PALMD: variants seen among roughly 807,000 people sequenced by gnomAD.
PALMD encodes the protein paralemmin-like protein.
PALMD carries 42 observed loss-of-function variants against 56.2 expected under a neutral mutation model. The observed-to-expected ratio is 0.75, with a 90% CI of 0.58 to 0.97. The LOEUF is 0.97. Among genes scored for constraint, PALMD ranks in the 50% least tolerant of loss-of-function variants. The pLI, the probability that PALMD is intolerant of heterozygous loss-of-function variation, is 0.00. For missense variants in PALMD, 660 were observed against 643.8 expected (o/e 1.03, Z -0.27); for synonymous variants, 242 against 222.9 (o/e 1.09, Z -0.76).
At position 99,689,248 on chromosome 1, in the gene PALMD, C is replaced by T. The variant is rs942857815; in HGVS notation, c.988C>T (p.Arg330Ter). Residue 330 changes from arginine (R) to a stop codon, truncating the protein, a stop_gained, in exon 7 of 8, where the codon CGA (arginine) becomes TGA (stop). Coordinates refer to ENST00000263174, the MANE Select transcript of PALMD (RefSeq NM_017734.5). LOFTEE classifies it high-confidence loss of function. ...TCCCATTCCGCCAGTGCCTCATCCCCGATCAGTGATTCAACAAGCAGAAGA... is the reference window on the plus strand; with the variant it reads ...TCCCATTCCGCCAGTGCCTCATCCCTGATCAGTGATTCAACAAGCAGAAGA... ...ISPIPPVPHP[R>*]SVIQQAEEKL... is the part of the protein sequence containing the mutation. The T allele has an allele frequency of 3.7e-6, 6 of 1,613,528 alleles. No individual in the cohort carries two copies. The highest frequency in any genetic ancestry group is 2.2e-5 in the East Asian group (1 of 44,854).
chr1:99,676,350 G>A (rs1653212505), intron 3 of PALMD, among the ~76,000 whole-genome samples: 1 of 152,016 alleles, frequency 6.6e-6, no homozygotes, highest in South Asian at 2.1e-4. Flanking sequence ...CTCACCTACT[G>A]TCTATGCACT....
At chr1:99,693,668 C>T (rs1653712863) in intron 7 of PALMD, among the ~76,000 whole-genome samples, 1 of 152,158 alleles carries the variant, frequency 6.6e-6, no homozygotes, top group Non-Finnish European at 1.5e-5. Context: ...TTTGGCAGTA[C>T]ATAACTCAGA....
intron 1 of PALMD, among the ~76,000 whole-genome samples, chr1:99,652,720 G>GAAAAA: frequency 1.0e-5 from 1 of 99,082 alleles, no homozygotes; most frequent in African/African-American, 3.7e-5. Flanking sequence ...GAAAAGAAAA[G>GAAAAA]AAAAGAAAAG....
Position 99,672,944 on chromosome 1 carries a change from G to A in PALMD, c.251+5178G>A, listed in dbSNP as rs74479694. The stretch of plus-strand genomic sequence containing the variant: ...TTTGTCCCCCAAATAGTTAGAAACC[G>A]CCTTCCACAGATGATACAAATGGGC... On this transcript the variant is annotated intron_variant, in intron 3 of 7. Transcript: ENST00000263174. 5.2e-3 allele frequency among the ~76,000 whole-genome samples: 797 copies of A among 151,900 alleles called. 5 individuals carry two copies. The highest frequency in any genetic ancestry group is 0.018 in the African/African-American group (764 of 41,408).
chr1:99,665,736 G>A (rs964516505), intron 2 of PALMD, among the ~76,000 whole-genome samples: 1 of 151,992 alleles, frequency 6.6e-6, no homozygotes. Context: ...ACTTCTATAG[G>A]TGTTACTGTC....
At chr1:99,668,629 C>T (rs1173921753) in intron 3 of PALMD, 2 of 152,156 alleles carry the variant, frequency 1.3e-5, no homozygotes, top group African/African-American at 2.4e-5. Context: ...TCACAGTTTC[C>T]CTCTTCTAGT....
chr1:99,667,571 T>C, intron 2 of PALMD, 71 bp from the exon 3 acceptor site: 1 of 1,267,740 alleles, frequency 7.9e-7, no homozygotes, highest in Non-Finnish European at 1.1e-6. Flanking sequence ...TTCATAAGAT[T>C]TGAAAGCAGT....
intron 3 of PALMD, among the ~76,000 whole-genome samples, chr1:99,672,879 G>A (rs1653116882): frequency 6.6e-6 from 1 of 151,924 alleles, no homozygotes; most frequent in African/African-American, 2.4e-5. Context: ...ATACTCCAAA[G>A]TGCCCTTCTG....
chr1:99,672,094 G>C (rs1031723997), intron 3 of PALMD, among the ~76,000 whole-genome samples: 3 of 152,114 alleles, frequency 2.0e-5, no homozygotes, highest in Non-Finnish European at 4.4e-5. Flanking sequence ...GACATTCAGA[G>C]GGTACCCTGA....
At chr1:99,662,526 T>A in intron 2 of PALMD, 127 bp downstream of exon 2, 1 of 669,276 alleles carries the variant, frequency 1.5e-6, no homozygotes, top group Non-Finnish European at 2.7e-6. Flanking sequence ...AACATTGTAA[T>A]AACCATAGGG....
chr1:99,667,339 C>G (rs1475139067), intron 2 of PALMD, among the ~76,000 whole-genome samples: 1 of 152,094 alleles, frequency 6.6e-6, no homozygotes, highest in East Asian at 1.9e-4. Flanking sequence ...GTTCTGAAGA[C>G]AGAAAGTGAG....
intron 3 of PALMD, among the ~76,000 whole-genome samples, chr1:99,676,457 T>C (rs1411046754): frequency 6.6e-6 from 1 of 152,174 alleles, no homozygotes; most frequent in African/African-American, 2.4e-5. Context: ...CACTGAATAG[T>C]GGTGAAGTCT....
At chr1:99,692,053 T>C (rs1264055036) in intron 7 of PALMD, among the ~76,000 whole-genome samples, 2 of 152,144 alleles carry the variant, frequency 1.3e-5, no homozygotes, top group Non-Finnish European at 2.9e-5. Context: ...AATGTAAATA[T>C]AACATATTCA....
At chr1:99,672,727 C>T (rs1219833845) in intron 3 of PALMD, among the ~76,000 whole-genome samples, 1 of 152,172 alleles carries the variant, frequency 6.6e-6, no homozygotes, top group East Asian at 1.9e-4. Flanking sequence ...AATTGGAGCA[C>T]ACAGAGCGCC....
At chr1:99,686,490 A>T (rs754713785) in intron 3 of PALMD, 186 bp from the exon 4 acceptor site, 39 of 388,530 alleles carry the variant, frequency 1.0e-4, no homozygotes, top group Non-Finnish European at 1.7e-4. Context: ...AAAGTCGGGC[A>T]TTAGGTATCT....
intron 2 of PALMD, among the ~76,000 whole-genome samples, chr1:99,664,007 G>T (rs1355495319): frequency 6.6e-6 from 1 of 152,248 alleles, no homozygotes; most frequent in South Asian, 2.1e-4. Flanking sequence ...CTGCACAAAG[G>T]TACCTGAAAT....
In PALMD at chr1:99,692,842, A is replaced by G. The variant is rs1211358756; in HGVS notation, c.1613-1177A>G. 5.3e-5 allele frequency among the ~76,000 whole-genome samples: 8 copies of G among 152,206 alleles called. No individual in the cohort carries two copies. In the East Asian group the frequency reaches 1.5e-3, roughly 29 times the overall value. ...TATGTAACTACAGCCTCTGCCAGCA[A>G]TCGAGACCTGCTTGCTACAGAGCAC... is the stretch of plus-strand genomic sequence containing the variant. On this transcript the variant is annotated intron_variant, in intron 7 of 7. Transcript: ENST00000263174.
chr1:99,671,877 G>A (rs959069436), intron 3 of PALMD, among the ~76,000 whole-genome samples: 8 of 152,092 alleles, frequency 5.3e-5, no homozygotes, highest in African/African-American at 1.7e-4. Context: ...ACAGCAAAAC[G>A]TAAAGAGCCA....
chr1:99,658,485 A>C (rs1001588542), intron 1 of PALMD, among the ~76,000 whole-genome samples: 1 of 150,884 alleles, frequency 6.6e-6, no homozygotes, highest in African/African-American at 2.4e-5. Flanking sequence ...AAAATAAAAA[A>C]TATAGGCCGG....
Sources: allele counts gnomAD v4.1 joint callset (sites outside exome capture counted in the v4.1 genomes callset), GRCh38; gene constraint gnomAD v4.1.1; transcripts MANE v1.5; gene names NCBI Gene and HGNC (gene_info 2026-07-23, HGNC 2026-07-21).